Variants in MINDY4 observed in about 807,000 individuals in gnomAD.
MINDY4 encodes the protein MINDY lysine 48 deubiquitinase 4, also known as probable ubiquitin carboxyl-terminal hydrolase MINDY-4.
MINDY4 carries 68 observed loss-of-function variants against 87.0 expected under a neutral mutation model. That is an observed-to-expected ratio of 0.78 (90% CI 0.64 to 0.96). MINDY4 has a LOEUF of 0.96. MINDY4 is among the 40% of genes least tolerant of loss of function. The probability of loss-of-function intolerance (pLI) is 0.00; values close to 1 mark genes in which losing one functional copy is unlikely to be tolerated. For missense variants in MINDY4, 919 were observed against 928.2 expected, an observed-to-expected ratio of 0.99 and a Z score of 0.13; for synonymous variants, 379 against 363.2, an observed-to-expected ratio of 1.04 and a Z score of -0.50.
chr7:30,853,855 G>A (rs1789490776), intron 12 of MINDY4, among the ~76,000 whole-genome samples: 1 of 152,256 alleles, frequency 6.6e-6, no homozygotes, highest in African/African-American at 2.4e-5. Context: ...TGGGTCCTGG[G>A]ACCAGCTGGT....
At position 30,791,488 on chromosome 7, in the gene MINDY4, C is replaced by A. The variant is rs771981738; in HGVS notation, c.987C>A (p.Leu329=). ...ACACGGACAGGATGCCCTTGAAGCT[C>A]TACTTGCCTGGTGGTAATTCCAGGA... ...STDTDRMPLK[L]YLPGGNSRMT... The change falls in exon 5 of 18, where the codon CTC becomes CTA. Residue 329 remains leucine (L), a synonymous_variant. Coordinates refer to ENST00000265299, the MANE Select transcript of MINDY4 (RefSeq NM_032222.3). 9 of 1,613,864 alleles carry A rather than the reference C, an allele frequency of 5.6e-6. No homozygotes were observed. The Admixed American group carries it at 1.5e-4, about 27-fold the overall frequency.
chr7:30,879,272 G>T (rs907438891), intron 15 of MINDY4, among the ~76,000 whole-genome samples: 21 of 152,212 alleles, frequency 1.4e-4, no homozygotes, highest in African/African-American at 4.3e-4. Flanking sequence ...AGCAGAGGAG[G>T]TTAGGACACA....
At chr7:30,796,930 A>G (rs1460675728) in intron 5 of MINDY4, 1 of 151,682 alleles carries the variant, frequency 6.6e-6, no homozygotes, top group Non-Finnish European at 1.5e-5. Flanking sequence ...CAATTCACAG[A>G]CATACTCATT....
intron 13 of MINDY4, among the ~76,000 whole-genome samples, chr7:30,870,793 G>A (rs1320930205): frequency 6.6e-6 from 1 of 152,206 alleles, no homozygotes; most frequent in Non-Finnish European, 1.5e-5. Context: ...TGCTCTGATT[G>A]CTAAGCCCTT....
chr7:30,880,531 A>T (rs1790431829), intron 15 of MINDY4, among the ~76,000 whole-genome samples: 1 of 152,082 alleles, frequency 6.6e-6, no homozygotes, highest in Non-Finnish European at 1.5e-5. Flanking sequence ...AGGGTGGCTG[A>T]TTATGCAAAG....
At chr7:30,786,459 T>G (rs930707591) in intron 4 of MINDY4, 1 of 159,526 alleles carries the variant, frequency 6.3e-6, no homozygotes, top group East Asian at 1.9e-4. Flanking sequence ...CCGCCCCATC[T>G]CTACAAAAAA....
chr7:30,860,133 G>T (rs536781678), intron 13 of MINDY4, among the ~76,000 whole-genome samples: 2 of 152,178 alleles, frequency 1.3e-5, no homozygotes, highest in Admixed American at 1.3e-4. Context: ...GGATGCAGGT[G>T]GGGTAGGACT....
chr7:30,818,574 T>A (rs1788232368), intron 5 of MINDY4, among the ~76,000 whole-genome samples: 1 of 152,224 alleles, frequency 6.6e-6, no homozygotes, highest in Non-Finnish European at 1.5e-5. Context: ...TTGCCTCTCC[T>A]GCACAGACTT....
chr7:30,774,036 A>C (rs1222840154), intron 1 of MINDY4, among the ~76,000 whole-genome samples: 1 of 152,212 alleles, frequency 6.6e-6, no homozygotes, highest in Non-Finnish European at 1.5e-5. Context: ...GGAGAGAAAC[A>C]CACACCACTA....
In MINDY4 at chr7:30,882,354, G is replaced by T; in HGVS notation, c.2145G>T (p.Leu715=). 1 of 1,589,310 alleles carries T rather than the reference G, an allele frequency of 6.3e-7. No individual in the cohort carries two copies. Among genetic ancestry groups the T allele is most frequent in the South Asian group, 1.1e-5 (1 of 88,924 alleles). Residue 715 remains leucine, a synonymous_variant, in exon 16 of 18, where the codon CTG becomes CTT. Coordinates refer to ENST00000265299, the MANE Select transcript of MINDY4 (RefSeq NM_032222.3). ...CCAACCAGCAGGAGCAGATCCGGCT[G>T]ACCATTGGTGCGGGCCCTCACCCCC... ...GLANQQEQIR[L]TIDTTQTISE... is the part of the protein sequence containing the mutation.
At chr7:30,817,741 G>A (rs892313106) in intron 5 of MINDY4, among the ~76,000 whole-genome samples, 1 of 152,186 alleles carries the variant, frequency 6.6e-6, no homozygotes, top group South Asian at 2.1e-4. Context: ...TGCGTCTGTT[G>A]CCAGGTGATG....
At position 30,781,906 on chromosome 7, in the gene MINDY4, A is replaced by C. The variant is rs1026271981; in HGVS notation, c.184-71A>C. Reference sequence around the variant, plus strand: ...TGATAAACTTAGTCAAAGAAGTGGAATAGTTGTCTTTTCCACTCTTCCCTG... The same window carrying C: ...TGATAAACTTAGTCAAAGAAGTGGACTAGTTGTCTTTTCCACTCTTCCCTG... On this transcript the variant is annotated intron_variant, in intron 2 of 17. Transcript: ENST00000265299. The C allele has an allele frequency of 2.9e-6, 3 of 1,043,594 alleles. No individual in the cohort carries two copies. In the Admixed American group the frequency reaches 6.7e-5, roughly 23 times the overall value. 64.6% of individuals were successfully genotyped at this position (1,043,594 alleles called of 1,614,324 possible).
rs534075346 is a variant in MINDY4 at position 30,853,378 on chromosome 7, G to T, written c.1612-16G>T. On this transcript the variant is annotated splice_polypyrimidine_tract_variant and intron_variant, in intron 11 of 17. Coordinates refer to ENST00000265299, the MANE Select transcript of MINDY4 (RefSeq NM_032222.3). ...GGGGCTTGGGCCACTCATCCTGAGT[G>T]TTTGTGTCTTCTCAGCTTACGCTTC... The T allele has an allele frequency of 6.9e-5, 112 of 1,611,834 alleles. No homozygotes were observed. The South Asian group carries it at 1.1e-3, about 16-fold the overall frequency.
At position 30,787,905 on chromosome 7, in the gene MINDY4, T is replaced by C. The variant is rs1787201576; in HGVS notation, c.663+1913T>C. 2.6e-5 allele frequency among the ~76,000 whole-genome samples: 4 copies of C among 152,242 alleles called. No homozygotes were observed. In the South Asian group the frequency reaches 8.3e-4, roughly 31 times the overall value. Reference sequence around the variant, plus strand: ...GTGGGTGTGTCTATGCTATTTACTATATTTGAAATTAAAAGTGAGAAGTTA... The same window carrying C: ...GTGGGTGTGTCTATGCTATTTACTACATTTGAAATTAAAAGTGAGAAGTTA... On this transcript the variant is annotated intron_variant, in intron 4 of 17. Transcript: ENST00000265299.
In MINDY4 at chr7:30,785,773, A is replaced by C. The variant is rs748753786; in HGVS notation, c.444A>C (p.Val148=). ...GACATGACAATCTTGATGGAGATGT[A>C]CTTGGTAATTTTGTATCATCTAAAA... ...KARHDNLDGD[V]LGNFVSSKRP... Residue 148 remains valine (V), a synonymous_variant, in exon 4 of 18, where the codon GTA becomes GTC. Coordinates refer to ENST00000265299, the MANE Select transcript of MINDY4 (RefSeq NM_032222.3). 3.7e-6 allele frequency: 6 copies of C among 1,614,210 alleles called. No homozygotes were observed. The highest frequency in any genetic ancestry group is 5.1e-6 in the Non-Finnish European group (6 of 1,180,020).
rs143657574 is a variant in MINDY4, at chr7:30,822,281, G to A, written c.1074-6398G>A. ...TCACCTCCGTTTCCCAGATTCAAGG[G>A]ATCCTCCCACAGTCCTGTAGATGGG... On this transcript the variant is annotated intron_variant, in intron 5 of 17. Transcript: ENST00000265299. Among the ~76,000 whole-genome samples the A allele has an allele frequency of 2.3e-3, 348 of 151,954 alleles. 1 individual carries two copies. The highest frequency in any genetic ancestry group is 3.8e-3 in the Non-Finnish European group (255 of 67,964).
chr7:30,775,030 C>T (rs779792071), intron 1 of MINDY4, among the ~76,000 whole-genome samples: 1 of 152,154 alleles, frequency 6.6e-6, no homozygotes, highest in Non-Finnish European at 1.5e-5. Context: ...ACAAGCATCT[C>T]AACATGTCTC....
chr7:30,813,011 C>T (rs980106811), intron 5 of MINDY4, among the ~76,000 whole-genome samples: 1 of 152,220 alleles, frequency 6.6e-6, no homozygotes, highest in Admixed American at 6.5e-5. Context: ...CTCGCCCACA[C>T]CATCCAGAAG....
chr7:30,831,680 A>G (rs1241509556), intron 6 of MINDY4, among the ~76,000 whole-genome samples: 1 of 152,268 alleles, frequency 6.6e-6, no homozygotes, highest in Non-Finnish European at 1.5e-5. Flanking sequence ...GGGCACTTCC[A>G]GAAGATATCT....
Sources: gnomAD v4.1 joint callset for allele counts (sites outside exome capture counted in the v4.1 genomes callset) on GRCh38, gnomAD v4.1.1 for gene constraint, MANE v1.5 for transcripts, NCBI Gene and HGNC (gene_info 2026-07-23, HGNC 2026-07-21) for gene names.